Variants in GASK1B observed in about 807,000 individuals in gnomAD.
GASK1B encodes the protein Golgi-associated kinase 1B.
In GASK1B, 34 loss-of-function variants were observed where a neutral mutation model predicts 42.8. That is an observed-to-expected ratio of 0.79 (90% CI 0.60 to 1.06). The LOEUF (loss-of-function observed/expected upper bound fraction) is 1.06. Ranked by LOEUF, GASK1B falls within the 50% of genes least tolerant of loss-of-function variation. The pLI, the probability that GASK1B is intolerant of heterozygous loss-of-function variation, is 0.00. For missense variants in GASK1B, 686 were observed against 661.0 expected (o/e 1.04, Z -0.42); for synonymous variants, 262 against 259.1 (o/e 1.01, Z -0.11).
At position 158,170,771 on chromosome 4, in the gene GASK1B, T is replaced by C. The variant is rs1732469650; in HGVS notation, c.605A>G (p.Glu202Gly). ...GPDFLQPSSR[E>G]SNIRIYSESA... ...CTCGCTGTAGATCCTAATGTTGCTC[T>C]CCCTGGAGCTGGGCTGCAGGAAGTC... Residue 202 changes from glutamate (E) to glycine (G), a missense_variant, in exon 2 of 5, where the codon GAG becomes GGG. Coordinates refer to ENST00000585682, the MANE Select transcript of GASK1B (RefSeq NM_001128424.2). 1 of 1,614,218 alleles carries C rather than the reference T, an allele frequency of 6.2e-7. No individual in the cohort carries two copies.
chr4:158,149,890 A>T (rs1731480362), intron 3 of GASK1B, among the ~76,000 whole-genome samples: 2 of 126,624 alleles, frequency 1.6e-5, no homozygotes, highest in South Asian at 5.3e-4. Context: ...ACAATTCTTC[A>T]TGGCAACATC....
chr4:158,155,555 C>A, intron 3 of GASK1B, 56 bp downstream of exon 3: 1 of 1,418,472 alleles, frequency 7.0e-7, no homozygotes, highest in South Asian at 1.2e-5. Flanking sequence ...TAGTGTCAGG[C>A]TAATATAACT....
chr4:158,171,813 G>C (rs1484925653), intron 1 of GASK1B, among the ~76,000 whole-genome samples: 2 of 152,150 alleles, frequency 1.3e-5, no homozygotes, highest in Non-Finnish European at 2.9e-5. Flanking sequence ...ATCCAAGAGT[G>C]TTTTATAACT....
intron 3 of GASK1B, among the ~76,000 whole-genome samples, chr4:158,142,885 C>T (rs948004895): frequency 6.6e-6 from 1 of 152,158 alleles, no homozygotes; most frequent in South Asian, 2.1e-4. Context: ...CTGGTTTCTT[C>T]AACAAGCTGT....
At chr4:158,140,573 T>G (rs1731075668) in intron 3 of GASK1B, among the ~76,000 whole-genome samples, 1 of 152,184 alleles carries the variant, frequency 6.6e-6, no homozygotes, top group Non-Finnish European at 1.5e-5. Flanking sequence ...ACTGTTATAT[T>G]TGCTCCCTAC....
chr4:158,171,615 TACAGAGTTAACTGAGTC>T lies in GASK1B; in HGVS notation c.-224-33_-224-17del, dbSNP rs1458355388. On this transcript the variant is annotated splice_polypyrimidine_tract_variant and intron_variant, in intron 1 of 4. Coordinates refer to ENST00000585682, the MANE Select transcript of GASK1B (RefSeq NM_001128424.2). ...CGGCTTGTTTCTGGGAATGAATGGA[TACAGAGTTAACTGAGTC>T]ACAATTTCAAACCATTTAAGTTCCT... The T allele has an allele frequency of 7.3e-6, 3 of 410,026 alleles. No homozygotes were observed. Among genetic ancestry groups the T allele is most frequent in the Non-Finnish European group, 1.3e-5 (3 of 232,072 alleles). 25.4% of individuals were successfully genotyped at this position (410,026 alleles called of 1,614,324 possible). A position where few individuals can be genotyped will look rare whatever the true frequency, so the allele number is the denominator to read the frequency against.
chr4:158,162,769 G>C (rs1732074558), intron 2 of GASK1B, among the ~76,000 whole-genome samples: 1 of 152,206 alleles, frequency 6.6e-6, no homozygotes, highest in African/African-American at 2.4e-5. Flanking sequence ...GCTACATTCA[G>C]GGATCAGGCG....
chr4:158,153,163 A>C (rs1731622464), intron 3 of GASK1B, among the ~76,000 whole-genome samples: 1 of 152,236 alleles, frequency 6.6e-6, no homozygotes, highest in Non-Finnish European at 1.5e-5. Context: ...TCGGGATACA[A>C]AATTAATGTA....
At chr4:158,164,279 G>T (rs8180159) in intron 2 of GASK1B, among the ~76,000 whole-genome samples, 1 of 152,198 alleles carries the variant, frequency 6.6e-6, no homozygotes, top group African/African-American at 2.4e-5. Flanking sequence ...TATAGAAGAC[G>T]ATAGATTGCA....
chr4:158,154,763 A>G (rs1359754145), intron 3 of GASK1B, among the ~76,000 whole-genome samples: 2 of 152,210 alleles, frequency 1.3e-5, no homozygotes, highest in Admixed American at 1.3e-4. Flanking sequence ...GGAATGGAAA[A>G]CCAAACATCG....
intron 4 of GASK1B, among the ~76,000 whole-genome samples, chr4:158,129,985 A>C (rs2110924570): frequency 6.6e-6 from 1 of 152,292 alleles, no homozygotes; most frequent in African/African-American, 2.4e-5. Context: ...TATTTCCAAT[A>C]GATGTATGAT....
chr4:158,147,885 G>A (rs1731392472), intron 3 of GASK1B, among the ~76,000 whole-genome samples: 1 of 152,120 alleles, frequency 6.6e-6, no homozygotes, highest in African/African-American at 2.4e-5. Context: ...TGATTTGAAT[G>A]AGCAATTCAC....
chr4:158,125,289 C>A lies in GASK1B; in HGVS notation c.*2118G>T, dbSNP rs976190314. ...CTGGAGGCAAATAAACAAAGTTAAA[C>A]CCTCACGTGGGAAGACCAGGCTGCC... On this transcript the variant is annotated 3_prime_UTR_variant, in exon 5 of 5. Transcript: ENST00000585682. The A allele has an allele frequency of 1.5e-4, 23 of 152,108 alleles. No homozygotes were observed. The highest frequency in any genetic ancestry group is 5.6e-4 in the African/African-American group (23 of 41,434). 9.4% of individuals were successfully genotyped at this position (152,108 alleles called of 1,614,324 possible). A position where few individuals can be genotyped will look rare whatever the true frequency, so the allele number is the denominator to read the frequency against.
intron 3 of GASK1B, among the ~76,000 whole-genome samples, chr4:158,142,425 A>G (rs1731173211): frequency 6.6e-6 from 1 of 152,214 alleles, no homozygotes. Flanking sequence ...CTTATGAGGA[A>G]CCAGTGGCAG....
intron 2 of GASK1B, among the ~76,000 whole-genome samples, chr4:158,165,786 T>C (rs1462678895): frequency 6.6e-6 from 1 of 152,146 alleles, no homozygotes; most frequent in East Asian, 1.9e-4. Flanking sequence ...TCCAATTTCA[T>C]TGCTCTCTAG....
chr4:158,138,299 T>G (rs1387085272), intron 3 of GASK1B, among the ~76,000 whole-genome samples: 1 of 152,060 alleles, frequency 6.6e-6, no homozygotes. Flanking sequence ...TACATGAAAA[T>G]AGTCTCTGTC....
Position 158,171,451 on chromosome 4 carries a change from T to C in GASK1B, c.-76A>G, listed in dbSNP as rs1732534958. ...CCTGCTAATGTGATGCATGGTTTCC[T>C]GACTTCAGCTGCCGCGTCCGCTTCG... On this transcript the variant is annotated 5_prime_UTR_variant, in exon 2 of 5. Transcript: ENST00000585682. 1 of 1,450,928 alleles carries C rather than the reference T, an allele frequency of 6.9e-7. No homozygotes were observed. Among genetic ancestry groups the C allele is most frequent in the Non-Finnish European group, 9.1e-7 (1 of 1,094,034 alleles). 89.9% of individuals were successfully genotyped at this position (1,450,928 alleles called of 1,614,324 possible). A position where few individuals can be genotyped will look rare whatever the true frequency, so the allele number is the denominator to read the frequency against.
chr4:158,134,728 T>C (rs1414300224), intron 3 of GASK1B, among the ~76,000 whole-genome samples: 1 of 152,198 alleles, frequency 6.6e-6, no homozygotes, highest in Non-Finnish European at 1.5e-5. Context: ...CTAAAGTTTT[T>C]TTTAATTCCA....
chr4:158,147,487 C>A (rs1731374896), intron 3 of GASK1B, among the ~76,000 whole-genome samples: 1 of 151,782 alleles, frequency 6.6e-6, no homozygotes, highest in Admixed American at 6.6e-5. Flanking sequence ...ACCCATAGTC[C>A]CAGCTACTCA....
Sources: allele counts gnomAD v4.1 joint callset (sites outside exome capture counted in the v4.1 genomes callset), GRCh38; gene constraint gnomAD v4.1.1; transcripts MANE v1.5; gene names NCBI Gene and HGNC (gene_info 2026-07-23, HGNC 2026-07-21).